Variants in STAB2 observed in about 807,000 individuals in gnomAD.
STAB2 encodes the protein stabilin 2, also known as stabilin-2.
Under a neutral mutation model 338.1 loss-of-function variants are expected in STAB2, and 288 were observed. The observed-to-expected ratio is 0.85, with a 90% confidence interval of 0.77 to 0.94. The LOEUF is 0.94. Among genes scored for constraint, STAB2 ranks in the 40% least tolerant of loss-of-function variants. The pLI is 0.00. For missense variants in STAB2, 3,141 were observed against 3,210.1 expected (o/e 0.98, Z 0.52); for synonymous variants, 1,202 against 1,193.3 (o/e 1.01, Z -0.15).
At chr12:103,590,777 C>A in intron 1 of STAB2, 120 bp from the exon 2 acceptor site, 1 of 1,201,612 alleles carries the variant, frequency 8.3e-7, no homozygotes, top group Non-Finnish European at 1.2e-6. Flanking sequence ...ACCTTATCAC[C>A]ATCCCTGACG....
At chr12:103,721,077 A>G (rs1880725006) in intron 44 of STAB2, among the ~76,000 whole-genome samples, 1 of 152,208 alleles carries the variant, frequency 6.6e-6, no homozygotes. Context: ...TCCCATTTAT[A>G]AAGGCTTTGC....
At chr12:103,607,863 T>C (rs1306221017) in intron 3 of STAB2, among the ~76,000 whole-genome samples, 1 of 152,190 alleles carries the variant, frequency 6.6e-6, no homozygotes, top group Non-Finnish European at 1.5e-5. Flanking sequence ...GCATGTGTCT[T>C]TATAGCAGCA....
At chr12:103,699,620 C>G (rs1878693660) in intron 34 of STAB2, among the ~76,000 whole-genome samples, 1 of 152,218 alleles carries the variant, frequency 6.6e-6, no homozygotes, top group African/African-American at 2.4e-5. Flanking sequence ...CCTCCCACAA[C>G]ACGTGGGAAT....
chr12:103,712,472 G>C (rs3763994), intron 41 of STAB2, 29 bp downstream of exon 41: 1,469 of 1,561,774 alleles, frequency 9.4e-4, no homozygotes, highest in Non-Finnish European at 1.2e-3. Flanking sequence ...TTGCTGGGGG[G>C]GCTGGCAAGG....
chr12:103,639,704 C>CA (rs11449305), intron 8 of STAB2, among the ~76,000 whole-genome samples: 42,454 of 92,480 alleles, frequency 0.46, 8,858 homozygotes, highest in Non-Finnish European at 0.53. Flanking sequence ...GACCCTGTCT[C>CA]AAAAAAAAAA....
intron 31 of STAB2, among the ~76,000 whole-genome samples, chr12:103,693,404 T>A (rs1381532486): frequency 6.6e-6 from 1 of 151,758 alleles, no homozygotes; most frequent in Non-Finnish European, 1.5e-5. Context: ...GCCACTGCAC[T>A]CCAGCCTGGG....
At chr12:103,749,841 C>CAAAAAAAAAAAAAAAAAAAAAAAA in intron 59 of STAB2, among the ~76,000 whole-genome samples, 1 of 51,152 alleles carries the variant, frequency 2.0e-5, no homozygotes, top group Non-Finnish European at 3.5e-5. Flanking sequence ...CTCTGTCTCA[C>CAAAAAAAAAAAAAAAAAAAAAAAA]AAAAAAAAAA....
intron 54 of STAB2, among the ~76,000 whole-genome samples, chr12:103,740,217 T>A (rs1882473172): frequency 6.6e-6 from 1 of 152,168 alleles, no homozygotes; most frequent in African/African-American, 2.4e-5. Flanking sequence ...AGTCTACTAG[T>A]AAAACCTATA....
At chr12:103,759,333 A>G in intron 65 of STAB2, 60 bp downstream of exon 65, 1 of 1,594,072 alleles carries the variant, frequency 6.3e-7, no homozygotes, top group East Asian at 2.2e-5. Flanking sequence ...AGTTCCTGGC[A>G]TACAGTAGGT....
intron 51 of STAB2, 59 bp downstream of exon 51, chr12:103,733,241 A>G: frequency 6.3e-7 from 1 of 1,580,098 alleles, no homozygotes. Flanking sequence ...GATAAAATTC[A>G]GCACCAAGGC....
At chr12:103,695,486 T>C in intron 31 of STAB2, 64 bp from the exon 32 acceptor site, 1 of 1,491,122 alleles carries the variant, frequency 6.7e-7, no homozygotes, top group Non-Finnish European at 9.3e-7. Context: ...GACTCTCCTA[T>C]GTATCGAAAA....
chr12:103,728,086 C>T (rs1881351889), intron 47 of STAB2, among the ~76,000 whole-genome samples: 1 of 152,112 alleles, frequency 6.6e-6, no homozygotes, highest in Admixed American at 6.5e-5. Context: ...AATAAAAAGC[C>T]ATTAAAGGAG....
intron 42 of STAB2, 128 bp downstream of exon 42, chr12:103,713,896 G>T: frequency 2.1e-6 from 3 of 1,461,134 alleles, no homozygotes; most frequent in Non-Finnish European, 2.8e-6. Flanking sequence ...GCCAGGGCAG[G>T]AAAGTATAAG....
Position 103,590,976 on chromosome 12 carries a change from G to T in STAB2, c.161G>T (p.Cys54Phe), listed in dbSNP as rs1565947713. 1.2e-6 allele frequency: 2 copies of T among 1,614,090 alleles called. No individual in the cohort carries two copies. The highest frequency in any genetic ancestry group is 2.2e-5 in the South Asian group (2 of 91,078). ...TGCGCTCTCAACCTTGGAGTCAAGT[G>T]CCCGGATGGTTACACCATGATTACC... ...RSCALNLGVK[C>F]PDGYTMITSG... is the part of the protein sequence containing the mutation. Residue 54 changes from cysteine to phenylalanine, a missense_variant, in exon 2 of 69, where the codon TGC (cysteine) becomes TTC (phenylalanine). By Grantham distance (205) the Cys-to-Phe change is radical. Transcript: ENST00000388887.
In STAB2 at chr12:103,706,919, G is replaced by A. The variant is rs1279836554; in HGVS notation, c.4124G>A (p.Gly1375Glu). 6.2e-7 allele frequency: 1 copy of A among 1,614,100 alleles called. No homozygotes were observed. The highest frequency in any genetic ancestry group is 8.5e-7 in the Non-Finnish European group (1 of 1,180,048). Residue 1375 changes from glycine to glutamate, a missense_variant, in exon 38 of 69, where the codon GGG becomes GAG. Gly to Glu is a moderately conservative substitution (Grantham distance 98). Transcript: ENST00000388887. The stretch of plus-strand genomic sequence containing the variant: ...AATGGCACAGGTGTGTGTGAGTGTG[G>A]GGAGGGCTTCAGCGGCACAGCCTGC... ...GVNGTGVCEC[G>E]EGFSGTACET...
At chr12:103,731,764 C>G in intron 50 of STAB2, 129 bp downstream of exon 50, 1 of 863,546 alleles carries the variant, frequency 1.2e-6, no homozygotes, top group Non-Finnish European at 1.8e-6. Flanking sequence ...GGGGAAGTCT[C>G]AGTTTTCTGG....
chr12:103,666,259 C>T, intron 18 of STAB2, 32 bp from the exon 19 acceptor site: 1 of 1,610,266 alleles, frequency 6.2e-7, no homozygotes, highest in Non-Finnish European at 8.5e-7. Flanking sequence ...CTCATAGGGA[C>T]ACCTGCACTG....
rs530458340 is a variant in STAB2 at position 103,677,533 on chromosome 12, G to A, written c.2727G>A (p.Ser909=). 63 of 1,614,068 alleles carry A rather than the reference G, an allele frequency of 3.9e-5. 2 individuals are homozygous for A. In the Middle Eastern group the frequency reaches 4.9e-4, roughly 13 times the overall value. Residue 909 remains serine (S), a synonymous_variant, in exon 25 of 69, where the codon TCG becomes TCA. Transcript: ENST00000388887. ...QGWTGNGRDC[S]EINNCLLPSA... ...GGACAGGGAATGGGAGAGACTGCTC[G>A]GAGATCAACAACTGCCTGCTGCCCA...
intron 45 of STAB2, among the ~76,000 whole-genome samples, chr12:103,725,771 T>C (rs963716571): frequency 1.3e-5 from 2 of 152,244 alleles, no homozygotes; most frequent in African/African-American, 4.8e-5. Flanking sequence ...ATGTTCCGGC[T>C]GATCAAATAT....
Sources: gnomAD v4.1 joint callset for allele counts (sites outside exome capture counted in the v4.1 genomes callset) on GRCh38, gnomAD v4.1.1 for gene constraint, MANE v1.5 for transcripts, NCBI Gene and HGNC (gene_info 2026-07-23, HGNC 2026-07-21) for gene names.